The following ATM variants were observed in gnomAD, a reference collection of about 807,000 sequenced individuals.
ATM encodes ATM serine/threonine kinase.
In ATM, 308 loss-of-function variants were observed where a neutral mutation model predicts 387.0. That is an observed-to-expected ratio of 0.80 (90% CI 0.73 to 0.87). The LOEUF (loss-of-function observed/expected upper bound fraction) is 0.87, where lower values mean the gene tolerates loss of function less well. ATM is among the 40% of genes least tolerant of loss of function. The pLI is 0.00. For synonymous variants in ATM, 1,156 were observed against 1,187.3 expected, an observed-to-expected ratio of 0.97 and a Z score of 0.54; for missense variants, 3,312 against 3,560.9, an observed-to-expected ratio of 0.93 and a Z score of 1.78.
In ATM at chr11:108,314,158, C is replaced by T. The variant is rs371313260; in HGVS notation, c.6006+1660C>T. Among the ~76,000 whole-genome samples, 29 of 152,122 alleles carry T rather than the reference C, an allele frequency of 1.9e-4. 1 individual carries two copies. Among genetic ancestry groups the T allele is most frequent in the African/African-American group, 6.7e-4 (28 of 41,496 alleles). ...CCAGACAGGATCTGGCTCTGTTGCC[C>T]AGGCTGGAGTGCAGTGGTGCAGTCA... On this transcript the variant is annotated intron_variant, in intron 40 of 62. Coordinates refer to ENST00000675843, the MANE Select transcript of ATM (RefSeq NM_000051.4).
chr11:108,361,726 G>A (rs2090785197), intron 61 of ATM, among the ~76,000 whole-genome samples: 1 of 151,550 alleles, frequency 6.6e-6, no homozygotes, highest in Non-Finnish European at 1.5e-5. Context: ...AAATGGTGCT[G>A]GGAAAACTGG....
chr11:108,312,753 C>T (rs2136069869), intron 40 of ATM, among the ~76,000 whole-genome samples: 1 of 152,308 alleles, frequency 6.6e-6, no homozygotes, highest in East Asian at 1.9e-4. Context: ...GAGTTTATGC[C>T]ATGCATTTTC....
Position 108,314,805 on chromosome 11 carries a change from GAAAAT to G in ATM, c.6007-1017_6007-1013del, listed in dbSNP as rs4988082. Among the ~76,000 whole-genome samples, 1,374 of 152,208 alleles carry G rather than the reference GAAAAT, an allele frequency of 9.0e-3. 20 individuals carry two copies. The highest frequency in any genetic ancestry group is 0.031 in the African/African-American group (1,297 of 41,546). On this transcript the variant is annotated intron_variant, in intron 40 of 62. Transcript: ENST00000675843. ...TCTTAAATAAAGTAGCTTGAGAAAA[GAAAAT>G]GTTATTGAGAAAATGATAAGGAAGA...
chr11:108,334,727 T>A (rs969204861), intron 54 of ATM, among the ~76,000 whole-genome samples: 2 of 152,212 alleles, frequency 1.3e-5, no homozygotes, highest in African/African-American at 4.8e-5. Context: ...AAATTTACTT[T>A]ATGTTTTCGT....
rs550477410 is a variant in ATM at position 108,327,843 on chromosome 11, C to A, written c.7089+85C>A. On this transcript the variant is annotated intron_variant, in intron 48 of 62. Coordinates refer to ENST00000675843, the MANE Select transcript of ATM (RefSeq NM_000051.4). ...CATCAAGATCAATATATTTCCAAAG[C>A]AAATAAAAGTATGGTTTTATTTTTC... 30 of 1,054,842 alleles carry A rather than the reference C, an allele frequency of 2.8e-5. No homozygotes were observed. The East Asian group carries it at 7.0e-4, about 25-fold the overall frequency. The allele number at this position is 1,054,842 out of a possible 1,614,324, so 65.3% of individuals were successfully genotyped here. A position where few individuals can be genotyped will look rare whatever the true frequency, so the allele number is the denominator to read the frequency against.
rs766226370 is a variant in ATM, at chr11:108,282,876, A to T, written c.3743A>T (p.Tyr1248Phe). 1 of 1,480,784 alleles carries T rather than the reference A, an allele frequency of 6.8e-7. No homozygotes were observed. The highest frequency in any genetic ancestry group is 9.4e-7 in the Non-Finnish European group (1 of 1,063,626). 91.7% of individuals were successfully genotyped at this position (1,480,784 alleles called of 1,614,324 possible). The change falls in exon 25 of 63, where the codon TAT (tyrosine) becomes TTT (phenylalanine). Residue 1248 changes from tyrosine to phenylalanine, a missense_variant. Physicochemically the swap from Tyr to Phe is conservative, Grantham distance 22 (BLOSUM62 3). This residue lies in a region of ATM where 1,791 missense variants were observed against 1,804.5 expected (regional missense o/e 0.99). Coordinates refer to ENST00000675843, the MANE Select transcript of ATM (RefSeq NM_000051.4). ...LLNYTNIEDF[Y>F]RSCYKVLIPH... ...AACTACACAAATATTGAGGATTTCTATAGGTAAGTTTATACATGACATATG... is the reference window on the plus strand; with the variant it reads ...AACTACACAAATATTGAGGATTTCTTTAGGTAAGTTTATACATGACATATG...
chr11:108,265,659 T>G (rs1247965874), intron 16 of ATM, among the ~76,000 whole-genome samples: 4 of 148,322 alleles, frequency 2.7e-5, no homozygotes, highest in African/African-American at 7.5e-5. Flanking sequence ...AAAGAGCTTC[T>G]GCACAGCAAA....
intron 52 of ATM, among the ~76,000 whole-genome samples, chr11:108,332,541 A>G (rs1214445773): frequency 6.6e-6 from 1 of 152,210 alleles, no homozygotes; most frequent in African/African-American, 2.4e-5. Context: ...AGCAGTTGGC[A>G]AAGTGAAACA....
At position 108,284,199 on chromosome 11, in the gene ATM, C is replaced by A. The variant is rs1181145159; in HGVS notation, c.3747-28C>A. On this transcript the variant is annotated intron_variant, in intron 25 of 62. Coordinates refer to ENST00000675843, the MANE Select transcript of ATM (RefSeq NM_000051.4). Reference sequence around the variant, plus strand: ...TTTTACTTGGAAAAGTTATATATAACCTGTATTTTAAATTTTTCTATTTTT... The same window carrying A: ...TTTTACTTGGAAAAGTTATATATAAACTGTATTTTAAATTTTTCTATTTTT... The A allele has an allele frequency of 5.2e-6, 8 of 1,527,014 alleles. No homozygotes were observed. The highest frequency in any genetic ancestry group is 1.4e-5 in the African/African-American group (1 of 71,862). The allele number at this position is 1,527,014 out of a possible 1,614,324, so 94.6% of individuals were successfully genotyped here. A position where few individuals can be genotyped will look rare whatever the true frequency, so the allele number is the denominator to read the frequency against.
intron 56 of ATM, among the ~76,000 whole-genome samples, chr11:108,336,615 A>G (rs1016995124): frequency 6.6e-6 from 1 of 152,222 alleles, no homozygotes; most frequent in East Asian, 1.9e-4. Flanking sequence ...ACAACGCTGT[A>G]TTGTAGTGAA....
In ATM at chr11:108,331,905, C is replaced by A. The variant is rs1555124473; in HGVS notation, c.7656C>A (p.His2552Gln). The A allele has an allele frequency of 1.2e-6, 2 of 1,613,590 alleles. No individual in the cohort carries two copies. Among genetic ancestry groups the A allele is most frequent in the African/African-American group, 2.7e-5 (2 of 74,864 alleles). The change falls in exon 52 of 63, where the codon CAC becomes CAA. Residue 2552 changes from histidine to glutamine, a missense_variant. His to Gln is a conservative substitution (Grantham distance 24). This residue lies in a region of ATM where 1,405 missense variants were observed against 1,604.4 expected (regional missense o/e 0.88). Transcript: ENST00000675843. Reference protein sequence around the residue: ...NNLISRISMDHPHHTLFIILA... With the variant: ...NNLISRISMDQPHHTLFIILA... ...TAATCTCTAGAATTTCAATGGATCA[C>A]CCCCATCACACTTTGTTTATTATAC... is the stretch of plus-strand genomic sequence containing the variant.
At chr11:108,344,136 CAT>C (rs1327107244) in intron 57 of ATM, among the ~76,000 whole-genome samples, 5 of 152,090 alleles carry the variant, frequency 3.3e-5, no homozygotes, top group African/African-American at 1.2e-4. Context: ...CTTTCTGTGA[CAT>C]GTTTTTTAAA....
In ATM at chr11:108,244,280, C is replaced by A. The variant is rs898244919; in HGVS notation, c.662+162C>A. On this transcript the variant is annotated intron_variant, in intron 6 of 62. Coordinates refer to ENST00000675843, the MANE Select transcript of ATM (RefSeq NM_000051.4). Reference sequence around the variant, plus strand: ...AAGAGACAACCAAGTCCAACACTTTCTGAATATCCAATATGCAGAACACTA... The same window carrying A: ...AAGAGACAACCAAGTCCAACACTTTATGAATATCCAATATGCAGAACACTA... Among the ~76,000 whole-genome samples the A allele has an allele frequency of 3.3e-5, 5 of 152,186 alleles. 1 individual carries two copies. Among genetic ancestry groups the A allele is most frequent in the Non-Finnish European group, 7.4e-5 (5 of 68,024 alleles).
intron 25 of ATM, among the ~76,000 whole-genome samples, chr11:108,283,519 G>A (rs1022223523): frequency 6.6e-6 from 1 of 152,172 alleles, no homozygotes. Flanking sequence ...ACAGATCTGA[G>A]TTTCAGACTT....
chr11:108,280,899 A>T, intron 23 of ATM, 96 bp from the exon 24 acceptor site: 3 of 1,146,612 alleles, frequency 2.6e-6, no homozygotes, highest in Non-Finnish European at 3.7e-6. Context: ...AAATGTGTAT[A>T]GCTTGTCAAA....
chr11:108,241,172 G>A (rs539336759), intron 5 of ATM, among the ~76,000 whole-genome samples: 1 of 152,256 alleles, frequency 6.6e-6, no homozygotes, highest in Non-Finnish European at 1.5e-5. Flanking sequence ...GTCCCCCTGG[G>A]AGATCTTCAG....
In ATM at chr11:108,281,133, A is replaced by T. The variant is rs1057516981; in HGVS notation, c.3541A>T (p.Lys1181Ter). ...TTTGTTTGCCCTGTGTAAATCTGTGAAAGAGAATGGATTAGAACCTCACCT... is the reference window on the plus strand; with the variant it reads ...TTTGTTTGCCCTGTGTAAATCTGTGTAAGAGAATGGATTAGAACCTCACCT... ...QALFALCKSV[K>*]ENGLEPHLVK... The change falls in exon 24 of 63, where the codon AAA (lysine) becomes TAA (stop). Residue 1181 changes from lysine to a stop codon, truncating the protein, a stop_gained. Transcript: ENST00000675843. LOFTEE classifies it high-confidence loss of function. 3 of 1,614,042 alleles carry T rather than the reference A, an allele frequency of 1.9e-6. No individual in the cohort carries two copies. The highest frequency in any genetic ancestry group is 2.5e-6 in the Non-Finnish European group (3 of 1,179,974).
At chr11:108,313,989 A>G (rs944048063) in intron 40 of ATM, among the ~76,000 whole-genome samples, 2 of 152,226 alleles carry the variant, frequency 1.3e-5, no homozygotes, top group African/African-American at 4.8e-5. Flanking sequence ...TACTTTATCC[A>G]TATCAAATTT....
chr11:108,281,756 T>C (rs773760923), intron 24 of ATM, among the ~76,000 whole-genome samples: 2 of 152,190 alleles, frequency 1.3e-5, no homozygotes, highest in Non-Finnish European at 1.5e-5. Flanking sequence ...TGGACTGATA[T>C]TATGCCAGTT....
Sources: allele counts gnomAD v4.1 joint callset (sites outside exome capture counted in the v4.1 genomes callset), GRCh38; gene constraint gnomAD v4.1.1; regional missense constraint gnomAD v4.1.1; transcripts MANE v1.5; gene names NCBI Gene and HGNC (gene_info 2026-07-23, HGNC 2026-07-21).